Variants in PDE4D observed in about 807,000 individuals in gnomAD.
PDE4D encodes the protein phosphodiesterase 4D.
PDE4D carries 24 observed loss-of-function variants against 87.4 expected under a neutral mutation model. That is an observed-to-expected ratio of 0.27 (90% CI 0.20 to 0.39). The LOEUF (loss-of-function observed/expected upper bound fraction) is 0.39, where lower values mean the gene tolerates loss of function less well. PDE4D is among the 10% of genes least tolerant of loss of function. The probability of loss-of-function intolerance (pLI) is 1.00; values close to 1 mark genes in which losing one functional copy is unlikely to be tolerated. For missense variants in PDE4D, 714 were observed against 1,041.0 expected, an observed-to-expected ratio of 0.69 and a Z score of 4.32; for synonymous variants, 384 against 383.2, an observed-to-expected ratio of 1.00 and a Z score of -0.02.
Position 59,172,128 on chromosome 5 carries a change from A to T in PDE4D, c.808+8467T>A, listed in dbSNP as rs187613708. Among the ~76,000 whole-genome samples, 169 of 74,020 alleles carry T rather than the reference A, an allele frequency of 2.3e-3. 16 individuals are homozygous for T. Among genetic ancestry groups the T allele is most frequent in the African/African-American group, 0.011 (155 of 13,516 alleles). The allele number at this position is 74,020 out of a possible 152,430, so 48.6% of individuals were successfully genotyped here. A position where few individuals can be genotyped will look rare whatever the true frequency, so the allele number is the denominator to read the frequency against. ...TATATATATAATAAATATATATTAT[A>T]TATATAATAAATATATAATATTATA... On this transcript the variant is annotated intron_variant, in intron 5 of 14. Transcript: ENST00000340635.
At chr5:59,018,982 C>T (rs1325860551) in intron 6 of PDE4D, among the ~76,000 whole-genome samples, 1 of 148,988 alleles carries the variant, frequency 6.7e-6, no homozygotes, top group Non-Finnish European at 1.5e-5. Context: ...GTCCTGACAA[C>T]TGAAAGCTTA....
intron 5 of PDE4D, among the ~76,000 whole-genome samples, chr5:59,075,276 G>T (rs1346257344): frequency 6.6e-6 from 1 of 152,094 alleles, no homozygotes; most frequent in African/African-American, 2.4e-5. Flanking sequence ...TAGATTACAT[G>T]ATGAAACTTA....
intron 1 of PDE4D, among the ~76,000 whole-genome samples, chr5:60,290,739 G>T (rs1583318061): frequency 6.6e-6 from 1 of 152,272 alleles, no homozygotes; most frequent in East Asian, 1.9e-4. Flanking sequence ...TGGGGAAATG[G>T]AGGCTGCAGT....
At chr5:59,431,234 A>C (rs1796070212) in intron 1 of PDE4D, among the ~76,000 whole-genome samples, 1 of 152,136 alleles carries the variant, frequency 6.6e-6, no homozygotes, top group Non-Finnish European at 1.5e-5. Context: ...GTGAAAAATA[A>C]GTTGGAGAAA....
At chr5:60,009,702 T>A (rs955359504) in intron 2 of PDE4D, among the ~76,000 whole-genome samples, 1 of 152,070 alleles carries the variant, frequency 6.6e-6, no homozygotes, top group African/African-American at 2.4e-5. Flanking sequence ...TTCACAGCAT[T>A]TAAAATGCAG....
chr5:60,103,937 A>G (rs1298843368), intron 2 of PDE4D, among the ~76,000 whole-genome samples: 1 of 152,202 alleles, frequency 6.6e-6, no homozygotes, highest in Non-Finnish European at 1.5e-5. Context: ...AGCGACGCAG[A>G]AGACAGGTGA....
At chr5:59,989,113 TATACAC>T (rs1369157824) in intron 2 of PDE4D, among the ~76,000 whole-genome samples, 89 of 133,504 alleles carry the variant, frequency 6.7e-4, no homozygotes, top group African/African-American at 2.1e-3. Context: ...TATATATATA[TATACAC>T]ACACACACAT....
chr5:59,544,016 GAAATAC>G (rs1370505589), intron 1 of PDE4D, among the ~76,000 whole-genome samples: 1 of 152,130 alleles, frequency 6.6e-6, no homozygotes, highest in Non-Finnish European at 1.5e-5. Context: ...TGTAGCCCTG[GAAATAC>G]AAACACAAAC....
chr5:60,130,114 C>T (rs1345670361), intron 2 of PDE4D, among the ~76,000 whole-genome samples: 1 of 152,114 alleles, frequency 6.6e-6, no homozygotes, highest in African/African-American at 2.4e-5. Context: ...CATCAGACAC[C>T]AAATTTGCTG....
intron 1 of PDE4D, among the ~76,000 whole-genome samples, chr5:59,392,126 T>C (rs1788360322): frequency 6.6e-6 from 1 of 151,946 alleles, no homozygotes; most frequent in South Asian, 2.1e-4. Context: ...ATCCTGAGTG[T>C]GAACTTGAGT....
chr5:59,719,467 T>C (rs1318858297), intron 1 of PDE4D, among the ~76,000 whole-genome samples: 2 of 152,196 alleles, frequency 1.3e-5, no homozygotes, highest in African/African-American at 2.4e-5. Flanking sequence ...GCATTTCATA[T>C]AATTTATTTA....
chr5:59,575,416 T>C (rs571579361), intron 1 of PDE4D, among the ~76,000 whole-genome samples: 1 of 152,164 alleles, frequency 6.6e-6, no homozygotes, highest in Non-Finnish European at 1.5e-5. Context: ...GAAAGAAAGA[T>C]TCCTATATGA....
At chr5:60,445,793 T>A (rs1201114333) in intron 1 of PDE4D, among the ~76,000 whole-genome samples, 1 of 152,152 alleles carries the variant, frequency 6.6e-6, no homozygotes, top group Non-Finnish European at 1.5e-5. Context: ...AAGTCTCATG[T>A]TAAATGTTCT....
intron 3 of PDE4D, among the ~76,000 whole-genome samples, chr5:59,939,547 G>A (rs886220767): frequency 6.6e-5 from 10 of 152,178 alleles, no homozygotes; most frequent in Non-Finnish European, 1.5e-4. Context: ...ATCTGACCTC[G>A]TGAGGAGGAC....
chr5:59,276,163 C>A (rs1764780520), intron 1 of PDE4D: 2 of 979,580 alleles, frequency 2.0e-6, no homozygotes, highest in Admixed American at 1.2e-4. Context: ...AGCGCCCAGC[C>A]TAGCCTCGTC....
intron 5 of PDE4D, among the ~76,000 whole-genome samples, chr5:59,090,797 T>C (rs1165362091): frequency 8.6e-5 from 12 of 139,456 alleles, no homozygotes; most frequent in Non-Finnish European, 1.8e-4. Flanking sequence ...CATGTTTTTT[T>C]TTTCTTTTTC....
At position 59,644,232 on chromosome 5, in the gene PDE4D, C is replaced by G. The variant is rs1742088031; in HGVS notation, c.455+248936G>C. Among the ~76,000 whole-genome samples, 3 of 152,130 alleles carry G rather than the reference C, an allele frequency of 2.0e-5. No individual in the cohort carries two copies. In the South Asian group the frequency reaches 6.2e-4, roughly 31 times the overall value. ...ATGTATCTATATTGACTGCTCTCAA[C>G]CAGCTTATTTAAGATAAAATAGTAC... On this transcript the variant is annotated intron_variant, in intron 1 of 14. Transcript: ENST00000340635.
chr5:59,042,272 C>T (rs1759810865), intron 5 of PDE4D, among the ~76,000 whole-genome samples: 1 of 152,126 alleles, frequency 6.6e-6, no homozygotes, highest in Non-Finnish European at 1.5e-5. Context: ...TAAAGCTTCA[C>T]TTTTAGGAAT....
rs557601114 is a variant in PDE4D at position 59,263,740 on chromosome 5, A to G, written c.456-47772T>C. Among the ~76,000 whole-genome samples, 21 of 152,098 alleles carry G rather than the reference A, an allele frequency of 1.4e-4. No individual in the cohort carries two copies. In the South Asian group the frequency reaches 4.1e-3, roughly 30 times the overall value. On this transcript the variant is annotated intron_variant, in intron 1 of 14. Coordinates refer to ENST00000340635, the MANE Select transcript of PDE4D (RefSeq NM_001104631.2). Reference sequence around the variant, plus strand: ...CCAAACACAAAAGAGTACATGCTATATTATTCCTTTTATATAAAATTCAAA... The same window carrying G: ...CCAAACACAAAAGAGTACATGCTATGTTATTCCTTTTATATAAAATTCAAA...
Sources: allele counts gnomAD v4.1 joint callset (sites outside exome capture counted in the v4.1 genomes callset), GRCh38; gene constraint gnomAD v4.1.1; transcripts MANE v1.5; gene names NCBI Gene and HGNC (gene_info 2026-07-23, HGNC 2026-07-21).